MBNL1: variants seen among roughly 807,000 people sequenced by gnomAD.
MBNL1 encodes the protein muscleblind-like protein 1.
In MBNL1, 8 loss-of-function variants were observed where a neutral mutation model predicts 42.2. That is an observed-to-expected ratio of 0.19 (90% CI 0.11 to 0.34). The LOEUF is 0.34. Ranked by LOEUF, MBNL1 falls within the 10% of genes least tolerant of loss-of-function variation. The probability of loss-of-function intolerance (pLI) is 1.00; values close to 1 mark genes in which losing one functional copy is unlikely to be tolerated. For synonymous variants in MBNL1, 169 were observed against 173.9 expected (o/e 0.97, Z 0.22); for missense variants, 309 against 495.3 (o/e 0.62, Z 3.57).
At chr3:152,383,819 C>T (rs761114827) in intron 2 of MBNL1, among the ~76,000 whole-genome samples, 8 of 151,936 alleles carry the variant, frequency 5.3e-5, no homozygotes, top group Non-Finnish European at 1.0e-4. Flanking sequence ...TGGAAGGGTA[C>T]GTCTTTAATC....
intron 2 of MBNL1, among the ~76,000 whole-genome samples, chr3:152,397,663 T>C (rs1481932774): frequency 6.6e-6 from 1 of 152,200 alleles, no homozygotes; most frequent in African/African-American, 2.4e-5. Context: ...ATTTAAAGTA[T>C]TTCTTGGTCC....
intron 2 of MBNL1, among the ~76,000 whole-genome samples, chr3:152,335,963 G>A (rs553921001): frequency 3.3e-5 from 5 of 152,162 alleles, no homozygotes; most frequent in African/African-American, 1.2e-4. Flanking sequence ...TTCATGAAGA[G>A]TGCCTTTCCA....
chr3:152,331,734 G>A (rs1268522784), intron 2 of MBNL1, among the ~76,000 whole-genome samples: 1 of 152,058 alleles, frequency 6.6e-6, no homozygotes. Flanking sequence ...TTTTTGCTCT[G>A]TTGCCCAGAC....
intron 2 of MBNL1, among the ~76,000 whole-genome samples, chr3:152,246,003 T>TA (rs1270240971): frequency 6.6e-6 from 1 of 152,128 alleles, no homozygotes; most frequent in Non-Finnish European, 1.5e-5. Context: ...GAGAATGGCT[T>TA]AAGTCAGAAG....
intron 3 of MBNL1, among the ~76,000 whole-genome samples, chr3:152,420,985 T>C (rs1191005628): frequency 6.6e-6 from 1 of 152,184 alleles, no homozygotes; most frequent in Admixed American, 6.5e-5. Context: ...CAGGTATCAG[T>C]AGCTGAATCG....
intron 2 of MBNL1, among the ~76,000 whole-genome samples, chr3:152,406,651 A>G (rs1455781207): frequency 2.0e-5 from 3 of 152,104 alleles, no homozygotes; most frequent in Middle Eastern, 3.4e-3. Flanking sequence ...TTCTCTGGGG[A>G]AAAAAAAGTC....
At chr3:152,386,223 G>T (rs2097414432) in intron 2 of MBNL1, among the ~76,000 whole-genome samples, 1 of 151,856 alleles carries the variant, frequency 6.6e-6, no homozygotes, top group Non-Finnish European at 1.5e-5. Context: ...AAAAATTCAA[G>T]AAAATAGAGC....
Position 152,366,710 on chromosome 3 carries a change from C to T in MBNL1, c.175-48231C>T, listed in dbSNP as rs529614762. Among the ~76,000 whole-genome samples, 3 of 152,258 alleles carry T rather than the reference C, an allele frequency of 2.0e-5. No homozygotes were observed. In the East Asian group the frequency reaches 5.8e-4, roughly 29 times the overall value. ...TAGGCATAAGGAAGAAACAATATCA[C>T]AGCCAATTAGGAAAGTGAGTAAGCT... is the stretch of plus-strand genomic sequence containing the variant. On this transcript the variant is annotated intron_variant, in intron 2 of 9. Transcript: ENST00000324210.
intron 2 of MBNL1, among the ~76,000 whole-genome samples, chr3:152,364,965 T>G (rs1218488932): frequency 6.6e-6 from 1 of 152,102 alleles, no homozygotes; most frequent in Non-Finnish European, 1.5e-5. Flanking sequence ...TTCATGTGTG[T>G]GCTCATCTAT....
At chr3:152,304,612 C>G (rs2062131365) in intron 2 of MBNL1, among the ~76,000 whole-genome samples, 1 of 152,192 alleles carries the variant, frequency 6.6e-6, no homozygotes, top group Non-Finnish European at 1.5e-5. Flanking sequence ...CTTTCAGTGA[C>G]AGATTGACAT....
At chr3:152,261,230 T>C (rs1477292709) in intron 2 of MBNL1, among the ~76,000 whole-genome samples, 1 of 152,108 alleles carries the variant, frequency 6.6e-6, no homozygotes, top group Non-Finnish European at 1.5e-5. Context: ...CTATCCAAAA[T>C]GTAGTCAGGG....
At chr3:152,455,518 C>T in intron 6 of MBNL1, 24 bp from the exon 7 acceptor site, 2 of 1,605,892 alleles carry the variant, frequency 1.2e-6, no homozygotes, top group East Asian at 2.2e-5. Context: ...AATCCACCTT[C>T]CTGTTGCAAT....
chr3:152,318,976 T>G (rs1309384161), intron 2 of MBNL1, among the ~76,000 whole-genome samples: 1 of 152,192 alleles, frequency 6.6e-6, no homozygotes, highest in African/African-American at 2.4e-5. Context: ...TTTGTACTAC[T>G]GGAAGTTCCT....
chr3:152,414,973 TCATC>T lies in MBNL1; in HGVS notation c.210_213del (p.Pro72HisfsTer3). On this transcript the variant is annotated frameshift_variant, in exon 3 of 10. Transcript: ENST00000324210. LOFTEE classifies it high-confidence loss of function. Reference sequence around the variant, plus strand: ...GCTCCAGGGAGAACTGCAAATATCTTCATCCACCCCCACATTTAAAAACGCAGTT... The same window carrying T: ...GCTCCAGGGAGAACTGCAAATATCTTCACCCCCACATTTAAAAACGCAGTT... The T allele has an allele frequency of 6.2e-7, 1 of 1,609,264 alleles. No individual in the cohort carries two copies. Among genetic ancestry groups the T allele is most frequent in the South Asian group, 1.1e-5 (1 of 90,172 alleles).
chr3:152,335,167 A>G lies in MBNL1; in HGVS notation c.174+34800A>G, dbSNP rs190786948. The G allele has an allele frequency of 1.9e-5, 24 of 1,289,740 alleles. No individual in the cohort carries two copies. In the Admixed American group the frequency reaches 2.1e-4, roughly 11 times the overall value. The allele number at this position is 1,289,740 out of a possible 1,614,324, so 79.9% of individuals were successfully genotyped here. On this transcript the variant is annotated intron_variant, in intron 2 of 9. Transcript: ENST00000324210. ...CCTTCTGGATCCTTTTCATGGCACC[A>G]TGGCAAGAAGAAGCTGTATCTTATC...
rs146300822 is a variant in MBNL1, at chr3:152,457,167, CATTT to C, written c.1092+810_1092+813del. On this transcript the variant is annotated intron_variant, in intron 8 of 9. Transcript: ENST00000324210. ...AAAATATTTAAAATTTAAAAATTGA[CATTT>C]ATTCACCCAGCATTTTCTGATTCTA... Among the ~76,000 whole-genome samples the C allele has an allele frequency of 3.7e-3, 567 of 152,128 alleles. 2 individuals are homozygous for C. Among genetic ancestry groups the C allele is most frequent in the South Asian group, 0.02 (98 of 4,816 alleles).
At chr3:152,319,634 T>TTTA (rs1368672524) in intron 2 of MBNL1, among the ~76,000 whole-genome samples, 3 of 105,608 alleles carry the variant, frequency 2.8e-5, no homozygotes, top group Non-Finnish European at 6.0e-5. Flanking sequence ...TTTTTTTTTT[T>TTTA]TTTTTGGCTG....
chr3:152,314,940 T>C (rs1427343067), intron 2 of MBNL1, among the ~76,000 whole-genome samples: 1 of 152,240 alleles, frequency 6.6e-6, no homozygotes, highest in Non-Finnish European at 1.5e-5. Flanking sequence ...TTTGATTTAC[T>C]GAGCCATGCC....
intron 2 of MBNL1, among the ~76,000 whole-genome samples, chr3:152,382,259 A>G (rs1392487193): frequency 1.3e-5 from 2 of 152,110 alleles, no homozygotes; most frequent in Non-Finnish European, 2.9e-5. Context: ...ACAATGATTT[A>G]TTTATTAAAG....
Sources: gnomAD v4.1 joint callset for allele counts (sites outside exome capture counted in the v4.1 genomes callset) on GRCh38, gnomAD v4.1.1 for gene constraint, MANE v1.5 for transcripts, NCBI Gene and HGNC (gene_info 2026-07-23, HGNC 2026-07-21) for gene names.